KCNQ2: variants seen among roughly 807,000 people sequenced by gnomAD.
The protein encoded by KCNQ2 is potassium voltage-gated channel subfamily KQT member 2.
KCNQ2 carries 14 observed loss-of-function variants against 84.8 expected under a neutral mutation model. That is an observed-to-expected ratio of 0.17 (90% confidence interval 0.11 to 0.26). The LOEUF (loss-of-function observed/expected upper bound fraction) is 0.26, where lower values mean the gene tolerates loss of function less well. Among genes scored for constraint, KCNQ2 ranks in the 10% least tolerant of loss-of-function variants. The pLI, the probability that KCNQ2 is intolerant of heterozygous loss-of-function variation, is 1.00. For missense variants in KCNQ2, 788 were observed against 1,254.0 expected (o/e 0.63, Z 5.61); for synonymous variants, 599 against 554.1 (o/e 1.08, Z -1.14).
At chr20:63,415,220 C>T in intron 12 of KCNQ2, 94 bp from the exon 13 acceptor site, 1 of 1,165,040 alleles carries the variant, frequency 8.6e-7, no homozygotes, top group Non-Finnish European at 1.2e-6. Context: ...GCCGACGCCG[C>T]CCATGCGCCG....
At position 63,401,736 on chromosome 20, in the gene KCNQ2, G is replaced by A. The variant is rs1004482100; in HGVS notation, c.*4908C>T. On this transcript the variant is annotated 3_prime_UTR_variant, in exon 17 of 17. Coordinates refer to ENST00000359125, the MANE Select transcript of KCNQ2 (RefSeq NM_172107.4). ...GGATCAGAGGACACTGGGGGCACCCGTGCACTGAGCACCCACCCCTCAGAG... is the reference window on the plus strand; with the variant it reads ...GGATCAGAGGACACTGGGGGCACCCATGCACTGAGCACCCACCCCTCAGAG... 4.0e-5 allele frequency: 8 copies of A among 197,946 alleles called. No homozygotes were observed. In the East Asian group the frequency reaches 1.3e-3, roughly 32 times the overall value. The allele number at this position is 197,946 out of a possible 1,614,324, so 12.3% of individuals were successfully genotyped here.
Position 63,455,158 on chromosome 20 carries a change from G to A in KCNQ2, c.297-8321C>T, listed in dbSNP as rs1158817399. ...GATGGGAGGACGGTGGGAGGACGCT[G>A]GGAGGACGATGGGAGGACCGAGCAG... On this transcript the variant is annotated intron_variant, in intron 1 of 16. Transcript: ENST00000359125. Among the ~76,000 whole-genome samples the A allele has an allele frequency of 5.3e-5, 8 of 152,172 alleles. No individual in the cohort carries two copies. The East Asian group carries it at 9.6e-4, about 18-fold the overall frequency.
intron 1 of KCNQ2, among the ~76,000 whole-genome samples, chr20:63,453,049 C>T (rs938342908): frequency 3.3e-5 from 5 of 152,290 alleles, no homozygotes; most frequent in South Asian, 4.2e-4. Context: ...GCCTGCCCCA[C>T]GCTGCACCCC....
At chr20:63,437,776 T>C (rs967888667) in intron 7 of KCNQ2, among the ~76,000 whole-genome samples, 3 of 152,176 alleles carry the variant, frequency 2.0e-5, no homozygotes, top group African/African-American at 7.2e-5. Flanking sequence ...GCTGCAAGAA[T>C]GGCTGGTCCC....
chr20:63,454,455 G>A (rs1016908436), intron 1 of KCNQ2, among the ~76,000 whole-genome samples: 4 of 152,250 alleles, frequency 2.6e-5, no homozygotes, highest in Non-Finnish European at 4.4e-5. Context: ...CACGGGGTGC[G>A]TCTGGGCCCG....
chr20:63,424,704 C>G (rs1290506101), intron 10 of KCNQ2: 1 of 166,870 alleles, frequency 6.0e-6, no homozygotes, highest in Non-Finnish European at 1.3e-5. Flanking sequence ...AGTCAGTGAG[C>G]CCAGGGTTTG....
intron 10 of KCNQ2, among the ~76,000 whole-genome samples, chr20:63,428,133 C>T (rs529070135): frequency 1.3e-5 from 2 of 152,340 alleles, no homozygotes; most frequent in East Asian, 1.9e-4. Flanking sequence ...TATCAACCTT[C>T]GCCCCTCCCT....
At position 63,472,368 on chromosome 20, in the gene KCNQ2, G is replaced by T; in HGVS notation, c.96C>A (p.Pro32=). 6.5e-7 allele frequency: 1 copy of T among 1,534,466 alleles called. No individual in the cohort carries two copies. The highest frequency in any genetic ancestry group is 8.8e-7 in the Non-Finnish European group (1 of 1,142,530). The change falls in exon 1 of 17, where the codon CCC becomes CCA. Residue 32 remains proline (P), a synonymous_variant. Transcript: ENST00000359125. ...VGFVGLDPGA[P]DSTRDGALLI... is the part of the protein sequence containing the mutation. ...GCAGCGCCCCGTCCCGGGTGGAGTC[G>T]GGCGCGCCGGGGTCCAGCCCCACGA...
At chr20:63,472,133 T>C (rs774957556) in intron 1 of KCNQ2, 35 bp downstream of exon 1, 1 of 1,441,600 alleles carries the variant, frequency 6.9e-7, no homozygotes, top group Non-Finnish European at 9.2e-7. Context: ...GGGGTCGCCA[T>C]GGGGGTCGCC....
At chr20:63,471,461 C>T (rs2082212222) in intron 1 of KCNQ2, among the ~76,000 whole-genome samples, 1 of 152,250 alleles carries the variant, frequency 6.6e-6, no homozygotes, top group South Asian at 2.1e-4. Context: ...GCAGCCCCTC[C>T]CCCGGGCCTC....
chr20:63,451,150 AAAAG>A (rs1259872225), intron 1 of KCNQ2, among the ~76,000 whole-genome samples: 7 of 151,608 alleles, frequency 4.6e-5, no homozygotes, highest in African/African-American at 1.2e-4. Flanking sequence ...AAAAAAAAAA[AAAAG>A]AAACAAACAA....
chr20:63,430,840 G>A (rs888215329), intron 9 of KCNQ2, among the ~76,000 whole-genome samples: 20 of 152,348 alleles, frequency 1.3e-4, no homozygotes, highest in Middle Eastern at 3.4e-3. Flanking sequence ...TGCCCTGTGA[G>A]CCACGGTGGG....
intron 7 of KCNQ2, among the ~76,000 whole-genome samples, chr20:63,435,624 G>C (rs145207613): frequency 6.6e-6 from 1 of 152,166 alleles, no homozygotes; most frequent in Non-Finnish European, 1.5e-5. Flanking sequence ...ACGCCTGCAT[G>C]GCTGAGATGA....
intron 15 of KCNQ2, chr20:63,412,122 C>A: frequency 2.0e-6 from 1 of 493,904 alleles, no homozygotes; most frequent in Non-Finnish European, 3.6e-6. Context: ...CTGCGGAGAC[C>A]CGGGTGCCAC....
chr20:63,444,707 C>G lies in KCNQ2; in HGVS notation c.642G>C (p.Arg214=). The G allele has an allele frequency of 1.9e-6, 3 of 1,592,212 alleles. No homozygotes were observed. The highest frequency in any genetic ancestry group is 2.6e-6 in the Non-Finnish European group (3 of 1,169,732). The change falls in exon 4 of 17, where the codon CGG becomes CGC. Residue 214 remains arginine, a synonymous_variant. Coordinates refer to ENST00000359125, the MANE Select transcript of KCNQ2 (RefSeq NM_172107.4). ...AGCCCAGCAGCTTCCAGGTGCCTCC[C>G]CGCCGGTCCATGCGGATCATCCGCA... The part of the protein sequence containing the change: ...QILRMIRMDR[R]GGTWKLLGSV...
At chr20:63,444,371 G>A (rs902125335) in intron 4 of KCNQ2, among the ~76,000 whole-genome samples, 8 of 152,192 alleles carry the variant, frequency 5.3e-5, no homozygotes, top group Admixed American at 3.9e-4. Flanking sequence ...AAGGGTTCGC[G>A]GCAGGAAGGT....
intron 1 of KCNQ2, among the ~76,000 whole-genome samples, chr20:63,451,528 A>C (rs73918920): frequency 0.011 from 1,691 of 152,208 alleles, 30 homozygotes; most frequent in African/African-American, 0.039. Flanking sequence ...GCATCAATAA[A>C]AGCCTGACCC....
At chr20:63,465,661 T>C (rs2082061294) in intron 1 of KCNQ2, among the ~76,000 whole-genome samples, 1 of 152,160 alleles carries the variant, frequency 6.6e-6, no homozygotes, top group African/African-American at 2.4e-5. Context: ...CCCTCCTCCT[T>C]CGACCTTGCA....
In KCNQ2 at chr20:63,400,420, A is replaced by G. The variant is rs942069722; in HGVS notation, c.*6224T>C. The stretch of plus-strand genomic sequence containing the variant: ...AAGTTAATATCTCAGCTAATCTGTT[A>G]GAAAACTAGAGTTCATTCCCTGGGC... On this transcript the variant is annotated 3_prime_UTR_variant, in exon 17 of 17. Coordinates refer to ENST00000359125, the MANE Select transcript of KCNQ2 (RefSeq NM_172107.4). This position sits in a 1 kb window ranked among gnomAD's most constrained non-coding sequence, Gnocchi z 8.7. 3.3e-5 allele frequency: 13 copies of G among 395,554 alleles called. No homozygotes were observed. The highest frequency in any genetic ancestry group is 1.2e-4 in the African/African-American group (6 of 48,556). 24.5% of individuals were successfully genotyped at this position (395,554 alleles called of 1,614,324 possible). A position where few individuals can be genotyped will look rare whatever the true frequency, so the allele number is the denominator to read the frequency against.
Sources: gnomAD v4.1 joint callset for allele counts (sites outside exome capture counted in the v4.1 genomes callset) on GRCh38, gnomAD v4.1.1 for gene constraint, Gnocchi (gnomAD v3.1) non-coding constraint, MANE v1.5 for transcripts, NCBI Gene and HGNC (gene_info 2026-07-23, HGNC 2026-07-21) for gene names.